CNTN5: variants seen among roughly 807,000 people sequenced by gnomAD.
The protein encoded by CNTN5 is contactin-5.
CNTN5 carries 77 observed loss-of-function variants against 129.1 expected under a neutral mutation model. That is an observed-to-expected ratio of 0.60 (90% CI 0.50 to 0.72). CNTN5 has a LOEUF of 0.72. Among genes scored for constraint, CNTN5 ranks in the 30% least tolerant of loss-of-function variants. The pLI, the probability that CNTN5 is intolerant of heterozygous loss-of-function variation, is 0.00. For missense variants in CNTN5, 1,478 were observed against 1,328.8 expected (o/e 1.11, Z -1.75); for synonymous variants, 509 against 465.6 (o/e 1.09, Z -1.20).
intron 1 of CNTN5, among the ~76,000 whole-genome samples, chr11:99,285,325 TA>T (rs1429571799): frequency 6.6e-6 from 1 of 152,188 alleles, no homozygotes; most frequent in African/African-American, 2.4e-5. Flanking sequence ...GAAGCAATTT[TA>T]TTGAGTAAAT....
chr11:99,269,527 T>C (rs1270496868), intron 1 of CNTN5, among the ~76,000 whole-genome samples: 1 of 151,884 alleles, frequency 6.6e-6, no homozygotes, highest in Non-Finnish European at 1.5e-5. Flanking sequence ...CAAGAAATGA[T>C]CTTGTACTAT....
intron 21 of CNTN5, among the ~76,000 whole-genome samples, chr11:100,331,526 A>C (rs758290985): frequency 7.2e-5 from 11 of 152,166 alleles, no homozygotes; most frequent in Non-Finnish European, 1.3e-4. Context: ...CAACTCCAGA[A>C]TGTACATTCT....
intron 3 of CNTN5, among the ~76,000 whole-genome samples, chr11:99,626,460 C>T (rs1951136366): frequency 6.6e-6 from 1 of 152,090 alleles, no homozygotes; most frequent in African/African-American, 2.4e-5. Flanking sequence ...TGAAATGCCT[C>T]TTCTTTACAT....
intron 3 of CNTN5, among the ~76,000 whole-genome samples, chr11:99,646,881 T>C (rs1951983889): frequency 6.6e-6 from 1 of 151,782 alleles, no homozygotes; most frequent in African/African-American, 2.4e-5. Flanking sequence ...TACAAGTAGA[T>C]GATTGGCTTT....
At chr11:99,868,647 T>C (rs1948420296) in intron 6 of CNTN5, among the ~76,000 whole-genome samples, 2 of 152,152 alleles carry the variant, frequency 1.3e-5, no homozygotes, top group Admixed American at 1.3e-4. Flanking sequence ...AGGAATATGC[T>C]GAAAGAGGCG....
intron 1 of CNTN5, among the ~76,000 whole-genome samples, chr11:99,075,795 G>A (rs1187392009): frequency 6.6e-6 from 1 of 152,128 alleles, no homozygotes; most frequent in Non-Finnish European, 1.5e-5. Context: ...TAACAACTTT[G>A]TTCACCAAGT....
intron 1 of CNTN5, among the ~76,000 whole-genome samples, chr11:99,241,315 T>C (rs1314018394): frequency 1.9e-5 from 2 of 103,036 alleles, no homozygotes; most frequent in Non-Finnish European, 3.9e-5. Context: ...CATTTGATTG[T>C]TGGTTTTTTT....
At chr11:99,228,603 T>G (rs1860817696) in intron 1 of CNTN5, among the ~76,000 whole-genome samples, 1 of 152,104 alleles carries the variant, frequency 6.6e-6, no homozygotes, top group South Asian at 2.1e-4. Context: ...CCCCTAAATG[T>G]ATAAATATCA....
chr11:99,535,780 A>G (rs1323191219), intron 2 of CNTN5, among the ~76,000 whole-genome samples: 1 of 152,164 alleles, frequency 6.6e-6, no homozygotes, highest in African/African-American at 2.4e-5. Flanking sequence ...GGCTTTGTCT[A>G]GGTTATGTTC....
intron 1 of CNTN5, among the ~76,000 whole-genome samples, chr11:99,164,429 C>T (rs191337375): frequency 1.3e-5 from 2 of 151,332 alleles, no homozygotes; most frequent in African/African-American, 4.8e-5. Flanking sequence ...TCTATAATAG[C>T]TAGGTTAGAA....
At chr11:99,384,732 C>T (rs1940816695) in intron 2 of CNTN5, among the ~76,000 whole-genome samples, 1 of 152,052 alleles carries the variant, frequency 6.6e-6, no homozygotes, top group Admixed American at 6.6e-5. Flanking sequence ...TAGTCCTTCC[C>T]CTTTACTATA....
At chr11:99,396,797 A>G (rs1565547988) in intron 2 of CNTN5, among the ~76,000 whole-genome samples, 1 of 151,744 alleles carries the variant, frequency 6.6e-6, no homozygotes, top group Non-Finnish European at 1.5e-5. Flanking sequence ...AATGATCAGG[A>G]ATGTGATGTC....
intron 2 of CNTN5, among the ~76,000 whole-genome samples, chr11:99,526,521 CGTTGACA>C (rs1947492767): frequency 6.6e-6 from 1 of 152,174 alleles, no homozygotes; most frequent in South Asian, 2.1e-4. Context: ...CTTGTGGCTT[CGTTGACA>C]GTGATGCATT....
At chr11:99,071,373 A>T (rs1053478259) in intron 1 of CNTN5, among the ~76,000 whole-genome samples, 3 of 152,154 alleles carry the variant, frequency 2.0e-5, no homozygotes, top group African/African-American at 2.4e-5. Context: ...AGCATCATTA[A>T]ATTATGCATA....
intron 3 of CNTN5, among the ~76,000 whole-genome samples, chr11:99,684,689 G>A (rs1188443399): frequency 6.6e-6 from 1 of 151,690 alleles, no homozygotes; most frequent in Non-Finnish European, 1.5e-5. Flanking sequence ...GTTTTTGTTA[G>A]CTTAGTGTTT....
chr11:100,272,265 A>C (rs1164839153), intron 18 of CNTN5, among the ~76,000 whole-genome samples: 1 of 152,084 alleles, frequency 6.6e-6, no homozygotes, highest in African/African-American at 2.4e-5. Context: ...TTTTAAAGGG[A>C]ACAATTTTTT....
At chr11:100,324,445 T>C (rs375058149) in intron 21 of CNTN5, among the ~76,000 whole-genome samples, 3 of 152,168 alleles carry the variant, frequency 2.0e-5, no homozygotes, top group South Asian at 4.1e-4. Flanking sequence ...CTCATTTTAA[T>C]GTTTCTCTGG....
At chr11:99,918,977 G>C (rs929052728) in intron 7 of CNTN5, among the ~76,000 whole-genome samples, 1 of 152,112 alleles carries the variant, frequency 6.6e-6, no homozygotes, top group Admixed American at 6.6e-5. Context: ...AAGTTAGCCA[G>C]CCAGGTTCAG....
Position 99,130,480 on chromosome 11 carries a change from C to A in CNTN5, c.-210+109210C>A, listed in dbSNP as rs144287727. ...ATTCATAAAACAAATCCTTGAAGAC[C>A]TACAAAAAGATTTAGACCCCCACAC... On this transcript the variant is annotated intron_variant, in intron 1 of 24. Coordinates refer to ENST00000524871, the MANE Select transcript of CNTN5 (RefSeq NM_014361.4). Among the ~76,000 whole-genome samples the A allele has an allele frequency of 4.6e-5, 7 of 152,204 alleles. No individual in the cohort carries two copies. The East Asian group carries it at 9.7e-4, about 21-fold the overall frequency.
Sources: allele counts gnomAD v4.1 joint callset (sites outside exome capture counted in the v4.1 genomes callset), GRCh38; gene constraint gnomAD v4.1.1; transcripts MANE v1.5; gene names NCBI Gene and HGNC (gene_info 2026-07-23, HGNC 2026-07-21).